Variants in TEK observed in about 807,000 individuals in gnomAD.
The protein encoded by TEK is angiopoietin-1 receptor.
In TEK, 43 loss-of-function variants were observed where a neutral mutation model predicts 131.8. The ratio of observed to expected loss-of-function variants is 0.33; its 90% CI spans 0.26 to 0.42. The LOEUF (loss-of-function observed/expected upper bound fraction) is 0.42, where lower values mean the gene tolerates loss of function less well. TEK is among the 10% of genes least tolerant of loss of function. TEK has a pLI of 1.00. For synonymous variants in TEK, 580 were observed against 491.6 expected, an observed-to-expected ratio of 1.18 and a Z score of -2.38; for missense variants, 1,162 against 1,384.4, an observed-to-expected ratio of 0.84 and a Z score of 2.55.
intron 9 of TEK, among the ~76,000 whole-genome samples, chr9:27,189,846 G>T (rs964635252): frequency 7.3e-6 from 1 of 136,202 alleles, no homozygotes; most frequent in Non-Finnish European, 1.6e-5. Flanking sequence ...GAGTTGTTTG[G>T]CTGAAAGAGA....
At chr9:27,121,250 C>G (rs563534170) in intron 1 of TEK, among the ~76,000 whole-genome samples, 1 of 152,084 alleles carries the variant, frequency 6.6e-6, no homozygotes, top group Non-Finnish European at 1.5e-5. Context: ...TCACTTAACC[C>G]GGGAGGCAGA....
chr9:27,133,921 G>C (rs532161841), intron 1 of TEK, among the ~76,000 whole-genome samples: 1 of 152,366 alleles, frequency 6.6e-6, no homozygotes, highest in East Asian at 1.9e-4. Flanking sequence ...AGACAGCCCA[G>C]AGCTGGAAGT....
intron 4 of TEK, 128 bp from the exon 5 acceptor site, chr9:27,172,488 G>A: frequency 7.5e-7 from 1 of 1,336,730 alleles, no homozygotes; most frequent in Non-Finnish European, 1.0e-6. Flanking sequence ...AGCTTTTAGA[G>A]AGCAGAGCCT....
At chr9:27,136,552 GAC>G (rs1481471438) in intron 1 of TEK, among the ~76,000 whole-genome samples, 1 of 152,124 alleles carries the variant, frequency 6.6e-6, no homozygotes, top group Non-Finnish European at 1.5e-5. Flanking sequence ...CCCCCAGACA[GAC>G]ACACAGGTAC....
intron 1 of TEK, among the ~76,000 whole-genome samples, chr9:27,115,370 G>A (rs757939787): frequency 5.3e-5 from 8 of 152,000 alleles, no homozygotes; most frequent in Non-Finnish European, 7.4e-5. Flanking sequence ...ATGGTGGCAC[G>A]TGCATGTAGT....
chr9:27,151,356 T>G (rs755850331), intron 1 of TEK, among the ~76,000 whole-genome samples: 16 of 152,170 alleles, frequency 1.1e-4, no homozygotes, highest in Non-Finnish European at 1.8e-4. Flanking sequence ...TGGTAGTTCT[T>G]AGGGCCCAAC....
intron 14 of TEK, among the ~76,000 whole-genome samples, chr9:27,206,167 G>C (rs906736582): frequency 4.6e-5 from 7 of 151,966 alleles, no homozygotes; most frequent in Non-Finnish European, 7.4e-5. Context: ...ATAATGCTAA[G>C]AAAGCTCTCA....
At chr9:27,217,536 T>G (rs1395959894) in intron 18 of TEK, 152 bp from the exon 19 acceptor site, 4 of 705,844 alleles carry the variant, frequency 5.7e-6, no homozygotes, top group African/African-American at 1.8e-5. Flanking sequence ...TTGCATGTTT[T>G]GAAATTTGAA....
intron 1 of TEK, among the ~76,000 whole-genome samples, chr9:27,137,963 C>T (rs35682767): frequency 0.52 from 78,295 of 151,660 alleles, 21,153 homozygotes; most frequent in African/African-American, 0.56. Context: ...TCTGGAGTTT[C>T]TTCCTTCCAG....
intron 18 of TEK, among the ~76,000 whole-genome samples, chr9:27,216,102 C>G (rs368985386): frequency 2.0e-5 from 3 of 152,074 alleles, no homozygotes; most frequent in Non-Finnish European, 4.4e-5. Flanking sequence ...GAAGAGGAAG[C>G]AAGGATAAAG....
At chr9:27,138,868 C>T (rs1360649608) in intron 1 of TEK, among the ~76,000 whole-genome samples, 4 of 152,008 alleles carry the variant, frequency 2.6e-5, no homozygotes, top group Admixed American at 2.0e-4. Context: ...CCTGTGTGTA[C>T]CAAGGAACAG....
At chr9:27,224,153 C>T (rs1032013621) in intron 21 of TEK, among the ~76,000 whole-genome samples, 6 of 152,116 alleles carry the variant, frequency 3.9e-5, no homozygotes, top group South Asian at 2.1e-4. Flanking sequence ...CAGGACCAGA[C>T]GGATCCACAG....
At chr9:27,114,150 G>A (rs966622951) in intron 1 of TEK, among the ~76,000 whole-genome samples, 16 of 152,188 alleles carry the variant, frequency 1.1e-4, no homozygotes, top group African/African-American at 1.4e-4. Context: ...ATTAGTACAT[G>A]TATTTAATGT....
At chr9:27,171,534 C>T (rs994301766) in intron 4 of TEK, among the ~76,000 whole-genome samples, 2 of 152,042 alleles carry the variant, frequency 1.3e-5, no homozygotes, top group Middle Eastern at 3.2e-3. Flanking sequence ...AGTGTGGTTC[C>T]TCTAGTTTAT....
At chr9:27,137,860 A>C (rs974837915) in intron 1 of TEK, among the ~76,000 whole-genome samples, 12 of 152,208 alleles carry the variant, frequency 7.9e-5, no homozygotes, top group South Asian at 2.1e-4. Context: ...GAATTTATTC[A>C]TTCCGGTGGG....
intron 1 of TEK, among the ~76,000 whole-genome samples, chr9:27,125,007 T>C (rs1821937399): frequency 6.6e-6 from 1 of 152,128 alleles, no homozygotes; most frequent in African/African-American, 2.4e-5. Flanking sequence ...TAAGTCCCCT[T>C]TTTCCTCTCT....
At chr9:27,226,951 G>A (rs998082556) in intron 21 of TEK, among the ~76,000 whole-genome samples, 1 of 152,114 alleles carries the variant, frequency 6.6e-6, no homozygotes, top group Middle Eastern at 3.2e-3. Context: ...GAAGGAGGGT[G>A]TTAATCTCAC....
chr9:27,181,298 C>T (rs1177571765), intron 7 of TEK, among the ~76,000 whole-genome samples: 1 of 151,864 alleles, frequency 6.6e-6, no homozygotes, highest in Admixed American at 6.6e-5. Flanking sequence ...TTTGGTATTT[C>T]TAGGCTACAC....
intron 1 of TEK, among the ~76,000 whole-genome samples, chr9:27,142,837 G>A (rs1447798527): frequency 6.6e-6 from 1 of 152,174 alleles, no homozygotes; most frequent in African/African-American, 2.4e-5. Context: ...GTGGTATGGA[G>A]GTATAATGTC....
Sources: gnomAD v4.1 joint callset for allele counts (sites outside exome capture counted in the v4.1 genomes callset) on GRCh38, gnomAD v4.1.1 for gene constraint, MANE v1.5 for transcripts, NCBI Gene and HGNC (gene_info 2026-07-23, HGNC 2026-07-21) for gene names.